GDAP1: variants seen among roughly 807,000 people sequenced by gnomAD.
GDAP1 encodes the protein ganglioside induced differentiation associated protein 1.
Under a neutral mutation model 40.1 loss-of-function variants are expected in GDAP1, and 34 were observed. The observed-to-expected ratio is 0.85, with a 90% CI of 0.64 to 1.13. The LOEUF (loss-of-function observed/expected upper bound fraction) is 1.13. GDAP1 is among the 50% of genes most tolerant of loss of function. GDAP1 has a pLI of 0.00. For synonymous variants in GDAP1, 170 were observed against 157.4 expected (o/e 1.08, Z -0.60); for missense variants, 374 against 433.7 (o/e 0.86, Z 1.22).
intron 2 of GDAP1, among the ~76,000 whole-genome samples, chr8:74,378,104 C>T (rs1038246458): frequency 2.0e-5 from 3 of 152,110 alleles, no homozygotes; most frequent in African/African-American, 7.2e-5. Flanking sequence ...TGAGAGTCCC[C>T]CAAAATCAGT....
At chr8:74,351,714 A>G (rs1352401501) in intron 2 of GDAP1, among the ~76,000 whole-genome samples, 1 of 152,224 alleles carries the variant, frequency 6.6e-6, no homozygotes, top group East Asian at 1.9e-4. Context: ...GAAACTTAAA[A>G]AAATTCACTT....
chr8:74,464,563 G>A (rs182876971), intron 2 of GDAP1, among the ~76,000 whole-genome samples: 1 of 152,176 alleles, frequency 6.6e-6, no homozygotes, highest in Admixed American at 6.5e-5. Flanking sequence ...AAAACATATG[G>A]TTGTCCCTGC....
chr8:74,480,220 C>T (rs1806693540), intron 2 of GDAP1, among the ~76,000 whole-genome samples: 1 of 151,980 alleles, frequency 6.6e-6, no homozygotes, highest in South Asian at 2.1e-4. Context: ...GATCTCCTGA[C>T]CTCAAGATCA....
At chr8:74,448,492 C>T (rs2131575839) in intron 2 of GDAP1, among the ~76,000 whole-genome samples, 1 of 152,216 alleles carries the variant, frequency 6.6e-6, no homozygotes, top group East Asian at 1.9e-4. Context: ...TTGATATTTA[C>T]AATGAAACTA....
At chr8:74,428,626 C>A (rs1431092406) in intron 2 of GDAP1, among the ~76,000 whole-genome samples, 2 of 111,148 alleles carry the variant, frequency 1.8e-5, no homozygotes, top group African/African-American at 7.0e-5. Context: ...GCCACCACAC[C>A]CGGCTAATTT....
At chr8:74,419,652 C>T (rs1805831029) in intron 2 of GDAP1, among the ~76,000 whole-genome samples, 1 of 152,054 alleles carries the variant, frequency 6.6e-6, no homozygotes, top group African/African-American at 2.4e-5. Flanking sequence ...TAATAGAAAA[C>T]ATTTTTAAAT....
chr8:74,372,226 C>T (rs906268776), intron 2 of GDAP1, among the ~76,000 whole-genome samples: 1 of 152,178 alleles, frequency 6.6e-6, no homozygotes, highest in African/African-American at 2.4e-5. Context: ...CCGCAATAAA[C>T]ATATGTGTGC....
In GDAP1 at chr8:74,439,056, GTA is replaced by G. The variant is rs780078920; in HGVS notation, c.166-49617_166-49616del. Among the ~76,000 whole-genome samples, 931 of 151,170 alleles carry G rather than the reference GTA, an allele frequency of 6.2e-3. 3 individuals are homozygous for G. Among genetic ancestry groups the G allele is most frequent in the Middle Eastern group, 0.01 (3 of 294 alleles). On this transcript the variant is annotated intron_variant, in intron 2 of 2. Transcript: ENST00000523640. ...TATATATGTGTGTGTGTGTGTGTGT[GTA>G]TATAACTTTTTTGTTTGGAAGTCTT...
chr8:74,362,710 C>G (rs1809427462), intron 4 of GDAP1, among the ~76,000 whole-genome samples: 1 of 150,568 alleles, frequency 6.6e-6, no homozygotes, highest in South Asian at 2.1e-4. Flanking sequence ...TAGGAGCTGC[C>G]AGTGAGTGGT....
In GDAP1 at chr8:74,401,483, T is replaced by C. The variant is rs936106731; in HGVS notation, c.165+50162T>C. Among the ~76,000 whole-genome samples, 24 of 150,104 alleles carry C rather than the reference T, an allele frequency of 1.6e-4. 1 individual carries two copies. The highest frequency in any genetic ancestry group is 2.2e-4 in the Non-Finnish European group (15 of 68,026). On this transcript the variant is annotated intron_variant, in intron 2 of 2. Transcript: ENST00000523640. ...ATTTTTTTCAAAGTTTTTAATTTCT[T>C]TGCCTTTGGTTTGAATTTCCTCCTG...
At chr8:74,471,466 A>G (rs1365568649) in intron 2 of GDAP1, among the ~76,000 whole-genome samples, 1 of 151,126 alleles carries the variant, frequency 6.6e-6, no homozygotes, top group Non-Finnish European at 1.5e-5. Context: ...TAAAAAAAAT[A>G]ATTCCTTCCT....
At chr8:74,455,286 A>T (rs1027070205) in intron 2 of GDAP1, among the ~76,000 whole-genome samples, 1 of 151,936 alleles carries the variant, frequency 6.6e-6, no homozygotes, top group Non-Finnish European at 1.5e-5. Context: ...TCAAGGTACA[A>T]TTTCTTCAGA....
rs6472842 is a variant in GDAP1 at position 74,366,222 on chromosome 8, A to T, written c.*1855A>T. On this transcript the variant is annotated 3_prime_UTR_variant, in exon 6 of 6. Transcript: ENST00000220822. ...ACGTTAAAGATAGTGGCAATTTCAT[A>T]TATTTCATGGATACTTGAGTTTGTG... 1 of 453,842 alleles carries T rather than the reference A, an allele frequency of 2.2e-6. No homozygotes were observed. The highest frequency in any genetic ancestry group is 4.4e-6 in the Non-Finnish European group (1 of 226,644). 28.1% of individuals were successfully genotyped at this position (453,842 alleles called of 1,614,324 possible).
chr8:74,371,063 G>A (rs148323654), downstream of GDAP1, among the ~76,000 whole-genome samples: 1,708 of 152,232 alleles, frequency 0.011, 39 homozygotes, highest in African/African-American at 0.039. Context: ...ATTCAATTGG[G>A]ATATAGAAGA....
chr8:74,380,480 GACATAGGTTACCCT>G (rs1376991288), intron 2 of GDAP1, among the ~76,000 whole-genome samples: 2 of 145,110 alleles, frequency 1.4e-5, no homozygotes, highest in African/African-American at 5.1e-5. Flanking sequence ...CACATTTAAA[GACATAGGTTACCCT>G]ACAGAGTCTT....
chr8:74,456,683 C>G (rs1194847642), intron 2 of GDAP1, among the ~76,000 whole-genome samples: 1 of 151,890 alleles, frequency 6.6e-6, no homozygotes, highest in Non-Finnish European at 1.5e-5. Flanking sequence ...TATATGTGCT[C>G]TCAGTGGTGC....
intron 2 of GDAP1, among the ~76,000 whole-genome samples, chr8:74,386,457 A>T (rs1365854849): frequency 6.6e-6 from 1 of 151,812 alleles, no homozygotes; most frequent in Admixed American, 6.6e-5. Context: ...TCCTTTCCTC[A>T]TTGCTTTTGT....
At chr8:74,367,526 A>G (rs1218322683), downstream of GDAP1, among the ~76,000 whole-genome samples, 1 of 152,246 alleles carries the variant, frequency 6.6e-6, no homozygotes, top group Non-Finnish European at 1.5e-5. Flanking sequence ...TGCTCAGAAA[A>G]AAAAAACAGT....
intron 2 of GDAP1, among the ~76,000 whole-genome samples, chr8:74,393,895 G>A (rs892272667): frequency 5.3e-5 from 8 of 152,040 alleles, no homozygotes; most frequent in Non-Finnish European, 1.2e-4. Flanking sequence ...GACACTGTTT[G>A]GATAATTTTT....
Sources: allele counts gnomAD v4.1 joint callset (sites outside exome capture counted in the v4.1 genomes callset), GRCh38; gene constraint gnomAD v4.1.1; transcripts MANE v1.5; gene names NCBI Gene and HGNC (gene_info 2026-07-23, HGNC 2026-07-21).